PHF24: variants seen among roughly 807,000 people sequenced by gnomAD.
PHF24 encodes the protein PHD finger protein 24.
A neutral mutation model predicts 42.6 loss-of-function variants in PHF24; 25 were observed. The ratio of observed to expected loss-of-function variants is 0.59; its 90% CI spans 0.43 to 0.82. The LOEUF is 0.82. PHF24 is among the 40% of genes least tolerant of loss of function. The pLI is 0.00. For synonymous variants in PHF24, 185 were observed against 204.8 expected (o/e 0.90, Z 0.83); for missense variants, 470 against 538.1 (o/e 0.87, Z 1.25).
chr9:34,877,638 T>C, the PHF24 span, among the ~76,000 whole-genome samples: 1 of 152,210 alleles, frequency 6.6e-6, no homozygotes, highest in Admixed American at 6.5e-5. Context: ...CTTTGTGTTA[T>C]ATATATTTTT....
intron 2 of PHF24, among the ~76,000 whole-genome samples, chr9:34,971,967 G>A (rs2132905153): frequency 6.6e-6 from 1 of 152,108 alleles, no homozygotes; most frequent in East Asian, 1.9e-4. Flanking sequence ...TACACCCTGC[G>A]GGAGGCAATT....
chr9:34,951,484 A>C, the PHF24 span, among the ~76,000 whole-genome samples: 1 of 152,210 alleles, frequency 6.6e-6, no homozygotes, highest in Non-Finnish European at 1.5e-5. Flanking sequence ...GAGTGATGTG[A>C]TGTGAGAAAG....
At chr9:34,806,223 T>C in the PHF24 span, among the ~76,000 whole-genome samples, 1 of 152,162 alleles carries the variant, frequency 6.6e-6, no homozygotes, top group Non-Finnish European at 1.5e-5. Context: ...TCTATATGAA[T>C]TTTAGAATCA....
the PHF24 span, among the ~76,000 whole-genome samples, chr9:34,713,596 A>AG: frequency 6.6e-6 from 1 of 152,120 alleles, no homozygotes; most frequent in Admixed American, 6.6e-5. Flanking sequence ...GCTTTGGTGG[A>AG]GGGACCAACC....
chr9:34,884,914 A>G, the PHF24 span, among the ~76,000 whole-genome samples: 1 of 152,196 alleles, frequency 6.6e-6, no homozygotes, highest in Non-Finnish European at 1.5e-5. Flanking sequence ...TGAAATTACC[A>G]TAATCAAAAT....
the PHF24 span, among the ~76,000 whole-genome samples, chr9:34,720,580 T>TA: frequency 6.6e-6 from 1 of 152,214 alleles, no homozygotes; most frequent in East Asian, 1.9e-4. Context: ...TCCTGAGGGA[T>TA]AATAGCTGTC....
chr9:34,688,321 A>C, the PHF24 span, among the ~76,000 whole-genome samples: 1 of 152,030 alleles, frequency 6.6e-6, no homozygotes, highest in Non-Finnish European at 1.5e-5. Flanking sequence ...GCCCTTAGAG[A>C]ACACTGTCTG....
At chr9:34,875,475 G>C in the PHF24 span, among the ~76,000 whole-genome samples, 3 of 151,622 alleles carry the variant, frequency 2.0e-5, no homozygotes, top group Non-Finnish European at 4.4e-5. Context: ...AAATATTAGA[G>C]AGCATCACAT....
intron 2 of PHF24, 146 bp downstream of exon 2, chr9:34,971,822 AATGT>A: frequency 1.0e-6 from 1 of 954,954 alleles, no homozygotes; most frequent in African/African-American, 1.6e-5. Context: ...GTAAGAATAA[AATGT>A]TTGTTATATC....
chr9:34,814,595 A>G, the PHF24 span, among the ~76,000 whole-genome samples: 2 of 152,218 alleles, frequency 1.3e-5, no homozygotes, highest in African/African-American at 4.8e-5. Flanking sequence ...CTGATGCAAA[A>G]AAAAACATGA....
chr9:34,694,652 A>C, the PHF24 span, among the ~76,000 whole-genome samples: 1 of 152,012 alleles, frequency 6.6e-6, no homozygotes, highest in South Asian at 2.1e-4. Context: ...TACTTTTAAT[A>C]CAGATGAGAT....
chr9:34,680,607 G>T, the PHF24 span, among the ~76,000 whole-genome samples: 5 of 146,174 alleles, frequency 3.4e-5, no homozygotes, highest in Non-Finnish European at 7.6e-5. Context: ...AGAATGGCGT[G>T]AACCCGGGAG....
the PHF24 span, among the ~76,000 whole-genome samples, chr9:34,677,680 G>A: frequency 2.6e-5 from 4 of 152,216 alleles, no homozygotes; most frequent in African/African-American, 9.6e-5. Context: ...TTACAGGTGT[G>A]AGCCACTTCG....
chr9:34,742,323 G>A, the PHF24 span, among the ~76,000 whole-genome samples: 3 of 152,218 alleles, frequency 2.0e-5, no homozygotes, highest in Non-Finnish European at 2.9e-5. Context: ...AGAGCTGGGA[G>A]TGAGAGTGGG....
chr9:34,976,231 G>A lies in PHF24; in HGVS notation c.643+1G>A. On this transcript the variant is annotated splice_donor_variant, in intron 4 of 7. Transcript: ENST00000242315. LOFTEE classifies it high-confidence loss of function. ...TTTCAGCGGTGTAAAGTCATCCCTG[G>A]TAAGGTTGGGTGGTGCTGCATGGAT... The A allele has an allele frequency of 1.9e-6, 3 of 1,613,182 alleles. No homozygotes were observed. Among genetic ancestry groups the A allele is most frequent in the South Asian group, 1.1e-5 (1 of 91,072 alleles).
chr9:34,833,471 A>G, the PHF24 span: 2 of 1,550,262 alleles, frequency 1.3e-6, no homozygotes, highest in South Asian at 2.4e-5. Flanking sequence ...TGGGATGGGC[A>G]GTTCCTGGAG....
the PHF24 span, among the ~76,000 whole-genome samples, chr9:34,756,400 G>A: frequency 1.4e-4 from 21 of 152,004 alleles, no homozygotes; most frequent in African/African-American, 4.1e-4. Flanking sequence ...TGCCTGGCCC[G>A]ATTTTTTTGT....
chr9:34,710,859 C>A, the PHF24 span, among the ~76,000 whole-genome samples: 1 of 151,658 alleles, frequency 6.6e-6, no homozygotes, highest in Non-Finnish European at 1.5e-5. Flanking sequence ...TGGGCTCAAG[C>A]GATCCTCCTG....
chr9:34,847,197 G>A, the PHF24 span, among the ~76,000 whole-genome samples: 21 of 152,242 alleles, frequency 1.4e-4, no homozygotes, highest in African/African-American at 4.8e-4. Flanking sequence ...GGGCAGTATG[G>A]CCATTTTCAT....
Sources: allele counts gnomAD v4.1 joint callset (sites outside exome capture counted in the v4.1 genomes callset), GRCh38; gene constraint gnomAD v4.1.1; transcripts MANE v1.5; gene names NCBI Gene and HGNC (gene_info 2026-07-23, HGNC 2026-07-21).